The following ABHD17B variants were observed in gnomAD, a reference collection of about 807,000 sequenced individuals.
The protein encoded by ABHD17B is abhydrolase domain containing 17B, depalmitoylase, also known as alpha/beta hydrolase domain-containing protein 17B.
ABHD17B carries 9 observed loss-of-function variants against 26.2 expected under a neutral mutation model. The ratio of observed to expected loss-of-function variants is 0.34; its 90% CI spans 0.21 to 0.60. The LOEUF (loss-of-function observed/expected upper bound fraction) is 0.60, where lower values mean the gene tolerates loss of function less well. Ranked by LOEUF, ABHD17B falls within the 20% of genes least tolerant of loss-of-function variation. The pLI, the probability that ABHD17B is intolerant of heterozygous loss-of-function variation, is 0.80. For synonymous variants in ABHD17B, 127 were observed against 122.3 expected (o/e 1.04, Z -0.25); for missense variants, 224 against 352.1 (o/e 0.64, Z 2.91).
chr9:71,898,893 T>C (rs988872223), intron 1 of ABHD17B, among the ~76,000 whole-genome samples: 1 of 152,000 alleles, frequency 6.6e-6, no homozygotes, highest in Admixed American at 6.6e-5. Flanking sequence ...GAGTCTGAGG[T>C]GGATGGATCA....
Position 71,910,993 on chromosome 9 carries a change from A to AGCCGCCGCC in ABHD17B, c.-372_-364dup. 6.5e-6 allele frequency: 1 copy of AGCCGCCGCC among 154,374 alleles called. No homozygotes were observed. The highest frequency in any genetic ancestry group is 1.4e-5 in the Non-Finnish European group (1 of 69,214). The allele number at this position is 154,374 out of a possible 1,614,324, so 9.6% of individuals were successfully genotyped here. ...TCACGTCCCGCGCGGCCGTGGTCGC[A>AGCCGCCGCC]GCCGCCGCCGCCACCGCCTCCCTTT... On this transcript the variant is annotated 5_prime_UTR_variant, in exon 1 of 4. Coordinates refer to ENST00000333421, the MANE Select transcript of ABHD17B (RefSeq NM_001025780.3).
At position 71,866,217 on chromosome 9, in the gene ABHD17B, T is replaced by C; in HGVS notation, c.*570A>G. 1.0e-6 allele frequency: 1 copy of C among 980,566 alleles called. No homozygotes were observed. Among genetic ancestry groups the C allele is most frequent in the South Asian group, 4.7e-5 (1 of 21,192 alleles). The allele number at this position is 980,566 out of a possible 1,614,324, so 60.7% of individuals were successfully genotyped here. Reference sequence around the variant, plus strand: ...ATTTACATCTTTTTTAAAGGATAAATGTATGTAATCAGAGTATACAGAAAA... The same window carrying C: ...ATTTACATCTTTTTTAAAGGATAAACGTATGTAATCAGAGTATACAGAAAA... On this transcript the variant is annotated 3_prime_UTR_variant, in exon 4 of 4. Coordinates refer to ENST00000333421, the MANE Select transcript of ABHD17B (RefSeq NM_001025780.3).
At chr9:71,900,652 CAAAAAAAAAAAA>C (rs35196879) in intron 1 of ABHD17B, among the ~76,000 whole-genome samples, 2 of 69,418 alleles carry the variant, frequency 2.9e-5, no homozygotes, top group Non-Finnish European at 5.9e-5. Flanking sequence ...ACTCCATCTC[CAAAAAAAAAAAA>C]AAAAAAAAAG....
At chr9:71,877,061 T>A (rs996982338) in intron 1 of ABHD17B, among the ~76,000 whole-genome samples, 4 of 152,200 alleles carry the variant, frequency 2.6e-5, no homozygotes. Context: ...TGAGAATGAT[T>A]CTAAGGCATA....
chr9:71,889,057 C>T (rs930236291), intron 1 of ABHD17B, among the ~76,000 whole-genome samples: 2 of 151,444 alleles, frequency 1.3e-5, no homozygotes, highest in Non-Finnish European at 2.9e-5. Flanking sequence ...TGTCTCACGC[C>T]TGTAATCACA....
chr9:71,896,620 T>C (rs1826964281), intron 1 of ABHD17B, among the ~76,000 whole-genome samples: 2 of 152,018 alleles, frequency 1.3e-5, no homozygotes, highest in Admixed American at 6.6e-5. Flanking sequence ...CTGATGGTTA[T>C]TACAAAGTCA....
At chr9:71,880,133 G>A (rs1015867253) in intron 1 of ABHD17B, among the ~76,000 whole-genome samples, 13 of 152,030 alleles carry the variant, frequency 8.6e-5, no homozygotes, top group African/African-American at 2.9e-4. Flanking sequence ...GACAAAATTG[G>A]CACAAAGGCT....
At chr9:71,897,765 C>T (rs2132194425) in intron 1 of ABHD17B, among the ~76,000 whole-genome samples, 1 of 152,246 alleles carries the variant, frequency 6.6e-6, no homozygotes, top group South Asian at 2.1e-4. Context: ...AGTTTGTCTA[C>T]CCAGTTTGGC....
At chr9:71,867,420 T>C (rs140934442) in intron 3 of ABHD17B, among the ~76,000 whole-genome samples, 2 of 152,334 alleles carry the variant, frequency 1.3e-5, no homozygotes, top group East Asian at 3.9e-4. Context: ...AGCAAAATGT[T>C]TTATGTTTTT....
At chr9:71,871,275 C>T (rs1424837734) in intron 2 of ABHD17B, among the ~76,000 whole-genome samples, 1 of 152,202 alleles carries the variant, frequency 6.6e-6, no homozygotes, top group African/African-American at 2.4e-5. Flanking sequence ...TCCGTGTGTT[C>T]TCTTCCAGGG....
intron 2 of ABHD17B, among the ~76,000 whole-genome samples, chr9:71,871,834 G>A (rs1826123418): frequency 6.6e-6 from 1 of 152,184 alleles, no homozygotes; most frequent in East Asian, 1.9e-4. Context: ...GAAGCACACA[G>A]ATGAGGAACT....
intron 1 of ABHD17B, among the ~76,000 whole-genome samples, chr9:71,882,541 C>G (rs1826476021): frequency 6.6e-6 from 1 of 151,914 alleles, no homozygotes; most frequent in Non-Finnish European, 1.5e-5. Flanking sequence ...GCCTTTAATC[C>G]CAGCTACTTG....
intron 1 of ABHD17B, among the ~76,000 whole-genome samples, chr9:71,894,890 C>T (rs1193744661): frequency 3.9e-5 from 6 of 152,172 alleles, no homozygotes; most frequent in African/African-American, 7.2e-5. Context: ...AAATCATTTA[C>T]TAACTATAAG....
intron 1 of ABHD17B, among the ~76,000 whole-genome samples, chr9:71,891,070 T>C (rs1228134413): frequency 6.6e-6 from 1 of 152,178 alleles, no homozygotes; most frequent in Non-Finnish European, 1.5e-5. Context: ...CGAAGTAAAC[T>C]ACACTGTTAT....
At chr9:71,876,384 C>A (rs1409391367) in intron 1 of ABHD17B, among the ~76,000 whole-genome samples, 3 of 152,124 alleles carry the variant, frequency 2.0e-5, no homozygotes, top group African/African-American at 7.2e-5. Flanking sequence ...GTAGTGAAGG[C>A]CCATCATACA....
chr9:71,881,385 T>A (rs532766290), intron 1 of ABHD17B, among the ~76,000 whole-genome samples: 1 of 152,264 alleles, frequency 6.6e-6, no homozygotes, highest in South Asian at 2.1e-4. Flanking sequence ...TATGAAGTTC[T>A]CAAAAGAAAA....
At chr9:71,889,319 G>GAAA (rs11371474) in intron 1 of ABHD17B, among the ~76,000 whole-genome samples, 2 of 145,988 alleles carry the variant, frequency 1.4e-5, no homozygotes, top group South Asian at 2.1e-4. Flanking sequence ...TCCGTCTAAA[G>GAAA]AAAAAAAAAA....
At position 71,866,101 on chromosome 9, in the gene ABHD17B, G is replaced by T; in HGVS notation, c.*686C>A. The T allele has an allele frequency of 1.0e-6, 1 of 985,454 alleles. No homozygotes were observed. The highest frequency in any genetic ancestry group is 1.2e-6 in the Non-Finnish European group (1 of 829,738). The allele number at this position is 985,454 out of a possible 1,614,324, so 61.0% of individuals were successfully genotyped here. A position where few individuals can be genotyped will look rare whatever the true frequency, so the allele number is the denominator to read the frequency against. On this transcript the variant is annotated 3_prime_UTR_variant, in exon 4 of 4. Coordinates refer to ENST00000333421, the MANE Select transcript of ABHD17B (RefSeq NM_001025780.3). ...TACTTGCCTCACAGTACCAAACTTAGAAGTCAAAACTAGTTAAAATTCAGT... is the reference window on the plus strand; with the variant it reads ...TACTTGCCTCACAGTACCAAACTTATAAGTCAAAACTAGTTAAAATTCAGT...
At chr9:71,864,764 T>C (rs543225443), downstream of ABHD17B, among the ~76,000 whole-genome samples, 4 of 152,294 alleles carry the variant, frequency 2.6e-5, no homozygotes, top group Admixed American at 6.5e-5. Flanking sequence ...ATCAAAATAG[T>C]AATATTTGTG....
Sources: allele counts gnomAD v4.1 joint callset (sites outside exome capture counted in the v4.1 genomes callset), GRCh38; gene constraint gnomAD v4.1.1; transcripts MANE v1.5; gene names NCBI Gene and HGNC (gene_info 2026-07-23, HGNC 2026-07-21).